The following PIAS1 variants were observed in gnomAD, a reference collection of about 807,000 sequenced individuals.
PIAS1 encodes protein inhibitor of activated STAT 1.
A neutral mutation model predicts 71.3 loss-of-function variants in PIAS1; 6 were observed. That is an observed-to-expected ratio of 0.08 (90% CI 0.05 to 0.17). The LOEUF (loss-of-function observed/expected upper bound fraction) is 0.17, where lower values mean the gene tolerates loss of function less well. PIAS1 is among the 10% of genes least tolerant of loss of function. PIAS1 has a pLI of 1.00. For missense variants in PIAS1, 555 were observed against 793.6 expected (o/e 0.70, Z 3.61); for synonymous variants, 303 against 292.9 (o/e 1.03, Z -0.35).
At chr15:68,119,120 CG>C (rs71145136) in intron 2 of PIAS1, among the ~76,000 whole-genome samples, 151,369 of 151,384 alleles carry the variant, frequency 1, 75,677 homozygotes, top group Middle Eastern at 1. Flanking sequence ...CTGGGCAGGC[CG>C]GGGCATGGTG....
chr15:68,172,134 G>C (rs1340666332), intron 8 of PIAS1, among the ~76,000 whole-genome samples: 1 of 150,684 alleles, frequency 6.6e-6, no homozygotes, highest in South Asian at 2.1e-4. Flanking sequence ...TCATTGTTCA[G>C]TTCCCACCTA....
Position 68,193,789 on chromosome 15 carries a change from G to A in PIAS1, c.*5954G>A, listed in dbSNP as rs537399134. On this transcript the variant is annotated 3_prime_UTR_variant, in exon 14 of 14. Coordinates refer to ENST00000249636, the MANE Select transcript of PIAS1 (RefSeq NM_016166.3). The stretch of plus-strand genomic sequence containing the variant: ...GGCTCCTTCCATGCTTGAAAGGGCC[G>A]GACTCACGGTAGTTAATAAAATCAA... 229 of 464,534 alleles carry A rather than the reference G, an allele frequency of 4.9e-4. 1 individual carries two copies. The highest frequency in any genetic ancestry group is 3.9e-3 in the African/African-American group (199 of 50,696). The allele number at this position is 464,534 out of a possible 1,614,324, so 28.8% of individuals were successfully genotyped here. A position where few individuals can be genotyped will look rare whatever the true frequency, so the allele number is the denominator to read the frequency against.
intron 1 of PIAS1, among the ~76,000 whole-genome samples, chr15:68,069,925 A>G (rs2092075779): frequency 6.6e-6 from 1 of 152,158 alleles, no homozygotes; most frequent in East Asian, 1.9e-4. Flanking sequence ...TTTAATAATT[A>G]GGAAGAACTT....
intron 2 of PIAS1, among the ~76,000 whole-genome samples, chr15:68,113,516 G>T (rs944644749): frequency 1.3e-5 from 2 of 152,090 alleles, no homozygotes; most frequent in African/African-American, 4.8e-5. Flanking sequence ...CAGCCTAATG[G>T]TCTGCCAGCT....
chr15:68,127,427 G>A (rs1338713665), intron 2 of PIAS1, among the ~76,000 whole-genome samples: 1 of 152,158 alleles, frequency 6.6e-6, no homozygotes, highest in African/African-American at 2.4e-5. Context: ...GCTATATTCT[G>A]TTAGCCCCAC....
intron 1 of PIAS1, chr15:68,055,891 C>T: frequency 1.4e-6 from 1 of 701,014 alleles, no homozygotes; most frequent in East Asian, 2.7e-5. Context: ...ACAATGTTTA[C>T]ACTCCAAGAT....
intron 2 of PIAS1, among the ~76,000 whole-genome samples, chr15:68,101,193 G>T (rs2092422273): frequency 6.6e-6 from 1 of 152,062 alleles, no homozygotes; most frequent in Non-Finnish European, 1.5e-5. Flanking sequence ...AGCCACCGTG[G>T]CTGGCCTTCA....
At chr15:68,165,214 C>T (rs945486214) in intron 8 of PIAS1, among the ~76,000 whole-genome samples, 5 of 152,198 alleles carry the variant, frequency 3.3e-5, no homozygotes, top group South Asian at 4.1e-4. Context: ...CTCTGCCTCC[C>T]GGGTTCAGGC....
Position 68,187,919 on chromosome 15 carries a change from T to TAA in PIAS1, c.*85_*86insAA, listed in dbSNP as rs1364939484. The TAA allele has an allele frequency of 1.6e-6, 2 of 1,277,502 alleles. No homozygotes were observed. Among genetic ancestry groups the TAA allele is most frequent in the Non-Finnish European group, 2.2e-6 (2 of 919,674 alleles). The allele number at this position is 1,277,502 out of a possible 1,614,324, so 79.1% of individuals were successfully genotyped here. A position where few individuals can be genotyped will look rare whatever the true frequency, so the allele number is the denominator to read the frequency against. On this transcript the variant is annotated 3_prime_UTR_variant, in exon 14 of 14. Transcript: ENST00000249636. The surrounding 1 kb of genome is among the most constrained non-coding windows in gnomAD (Gnocchi z 5.3). ...GAGAACTTTGTGCTCTGTTTTACCT[T>TAA]ACTCTGTTTAGAAAAGTATACAAGC...
chr15:68,145,478 TTC>T (rs1244751670), intron 4 of PIAS1, among the ~76,000 whole-genome samples: 1 of 152,192 alleles, frequency 6.6e-6, no homozygotes, highest in Non-Finnish European at 1.5e-5. Context: ...GATTCAGAAT[TTC>T]TTAATTTTAT....
At chr15:68,125,772 C>T (rs1384779992) in intron 2 of PIAS1, among the ~76,000 whole-genome samples, 3 of 152,088 alleles carry the variant, frequency 2.0e-5, no homozygotes, top group Non-Finnish European at 4.4e-5. Context: ...ATGATTATCG[C>T]TCACTGCAGC....
At chr15:68,137,417 A>G (rs2092741001) in intron 2 of PIAS1, among the ~76,000 whole-genome samples, 1 of 152,194 alleles carries the variant, frequency 6.6e-6, no homozygotes, top group Admixed American at 6.5e-5. Flanking sequence ...TTGTATCTAT[A>G]GTTTGATATG....
chr15:68,064,980 A>C (rs1303247490), intron 1 of PIAS1, among the ~76,000 whole-genome samples: 5 of 152,084 alleles, frequency 3.3e-5, no homozygotes, highest in African/African-American at 9.7e-5. Context: ...CGGGGGCTCC[A>C]GTGATCGCCT....
chr15:68,124,247 C>G (rs2092634099), intron 2 of PIAS1, among the ~76,000 whole-genome samples: 1 of 152,078 alleles, frequency 6.6e-6, no homozygotes, highest in African/African-American at 2.4e-5. Context: ...ATGGCTATAA[C>G]TATGTAAAGA....
At chr15:68,155,464 A>AAAAAC (rs1358920093) in intron 7 of PIAS1, among the ~76,000 whole-genome samples, 1 of 151,274 alleles carries the variant, frequency 6.6e-6, no homozygotes, top group Non-Finnish European at 1.5e-5. Context: ...AAAAAAAAAA[A>AAAAAC]AAAAAAAACC....
Position 68,060,354 on chromosome 15 carries a change from C to T in PIAS1, c.24+6004C>T, listed in dbSNP as rs541497292. 1.2e-3 allele frequency among the ~76,000 whole-genome samples: 180 copies of T among 152,150 alleles called. 1 individual carries two copies. Among genetic ancestry groups the T allele is most frequent in the African/African-American group, 4.0e-3 (167 of 41,502 alleles). On this transcript the variant is annotated intron_variant, in intron 1 of 13. Transcript: ENST00000249636. The stretch of plus-strand genomic sequence containing the variant: ...TAAAACTATATTGAACATTGCCAGA[C>T]GTGGTAATCCCAGCACTTTGGGAGC...
At position 68,189,926 on chromosome 15, in the gene PIAS1, T is replaced by G. The variant is rs911352048; in HGVS notation, c.*2091T>G. 2.0e-5 allele frequency: 3 copies of G among 152,124 alleles called. No individual in the cohort carries two copies. Among genetic ancestry groups the G allele is most frequent in the African/African-American group, 4.8e-5 (2 of 41,370 alleles). 9.4% of individuals were successfully genotyped at this position (152,124 alleles called of 1,614,324 possible). Reference sequence around the variant, plus strand: ...CTGTTGGGGTAGAAATTACTAAAATTGTGGGGAGTTTTTTCTGATTTTTAC... The same window carrying G: ...CTGTTGGGGTAGAAATTACTAAAATGGTGGGGAGTTTTTTCTGATTTTTAC... On this transcript the variant is annotated 3_prime_UTR_variant, in exon 14 of 14. Transcript: ENST00000249636.
intron 6 of PIAS1, among the ~76,000 whole-genome samples, chr15:68,148,328 T>G (rs2092822332): frequency 6.6e-6 from 1 of 152,070 alleles, no homozygotes; most frequent in African/African-American, 2.4e-5. Context: ...CTGACTAGAG[T>G]GCAGAGAATG....
At position 68,148,370 on chromosome 15, in the gene PIAS1, G is replaced by A. The variant is rs551666142; in HGVS notation, c.828+1670G>A. On this transcript the variant is annotated intron_variant, in intron 6 of 13. Transcript: ENST00000249636. ...AGTGGTATATGAGATGTGGCTAGAG[G>A]GGTAAGATAGGACTAAACCATTCAG... is the stretch of plus-strand genomic sequence containing the variant. 9.2e-5 allele frequency among the ~76,000 whole-genome samples: 14 copies of A among 152,234 alleles called. No homozygotes were observed. In the South Asian group the frequency reaches 2.9e-3, roughly 32 times the overall value.
Sources: allele counts gnomAD v4.1 joint callset (sites outside exome capture counted in the v4.1 genomes callset), GRCh38; gene constraint gnomAD v4.1.1; non-coding constraint Gnocchi (gnomAD v3.1); transcripts MANE v1.5; gene names NCBI Gene and HGNC (gene_info 2026-07-23, HGNC 2026-07-21).